Variants in DNAJC17 observed in about 807,000 individuals in gnomAD.
The protein encoded by DNAJC17 is DnaJ heat shock protein family (Hsp40) member C17.
DNAJC17 carries 35 observed loss-of-function variants against 48.1 expected under a neutral mutation model. The ratio of observed to expected loss-of-function variants is 0.73; its 90% CI spans 0.56 to 0.96. The LOEUF (loss-of-function observed/expected upper bound fraction) is 0.96, where lower values mean the gene tolerates loss of function less well. Ranked by LOEUF, DNAJC17 falls within the 50% of genes least tolerant of loss-of-function variation. DNAJC17 has a pLI of 0.00. For missense variants in DNAJC17, 355 were observed against 377.1 expected (o/e 0.94, Z 0.48); for synonymous variants, 117 against 142.7 (o/e 0.82, Z 1.28).
At chr15:40,792,564 T>A (rs894017339) in intron 1 of DNAJC17, 3 of 981,962 alleles carry the variant, frequency 3.1e-6, no homozygotes, top group Non-Finnish European at 3.6e-6. Context: ...CCTGTAATCC[T>A]GGCACTTTGG....
rs1474862203 is a variant in DNAJC17, at chr15:40,767,614, G to A, written c.*326C>T. 6.2e-5 allele frequency: 36 copies of A among 581,094 alleles called. No individual in the cohort carries two copies. In the East Asian group the frequency reaches 9.3e-4, roughly 15 times the overall value. The allele number at this position is 581,094 out of a possible 1,614,324, so 36.0% of individuals were successfully genotyped here. A position where few individuals can be genotyped will look rare whatever the true frequency, so the allele number is the denominator to read the frequency against. ...GGGCCTTGTGTAGGCCATGTTCCTC[G>A]GGCAGCTGCCCCGGGCCGGAGCTGG... On this transcript the variant is annotated 3_prime_UTR_variant, in exon 11 of 11. Transcript: ENST00000220496.
intron 1 of DNAJC17, among the ~76,000 whole-genome samples, chr15:40,789,248 C>T (rs900760458): frequency 4.6e-5 from 7 of 152,110 alleles, no homozygotes; most frequent in Non-Finnish European, 7.4e-5. Flanking sequence ...CAAATGATGG[C>T]CCTTGTACGC....
At chr15:40,797,559 C>T (rs1328986710) in intron 1 of DNAJC17, among the ~76,000 whole-genome samples, 2 of 151,074 alleles carry the variant, frequency 1.3e-5, no homozygotes, top group Non-Finnish European at 2.9e-5. Context: ...ATTACAGGCA[C>T]CCGCCACCAT....
intron 2 of DNAJC17, 149 bp downstream of exon 2, chr15:40,779,779 C>G: frequency 1.8e-6 from 2 of 1,118,770 alleles, no homozygotes; most frequent in Non-Finnish European, 2.6e-6. Flanking sequence ...CCAGACACCC[C>G]TCACAGGAGG....
Position 40,767,241 on chromosome 15 carries a change from C to A in DNAJC17, c.*699G>T, listed in dbSNP as rs367958027. 3.8e-6 allele frequency: 6 copies of A among 1,574,612 alleles called. No individual in the cohort carries two copies. The highest frequency in any genetic ancestry group is 5.2e-6 in the Non-Finnish European group (6 of 1,160,224). On this transcript the variant is annotated 3_prime_UTR_variant, in exon 11 of 11. Transcript: ENST00000220496. ...CTCTTTGCAGTTATGAATACTACGTCGATGACCCTCCCCGCATAGTCCTGG... is the reference window on the plus strand; with the variant it reads ...CTCTTTGCAGTTATGAATACTACGTAGATGACCCTCCCCGCATAGTCCTGG...
At chr15:40,775,632 G>A in intron 6 of DNAJC17, 36 bp from the exon 7 acceptor site, 3 of 1,597,640 alleles carry the variant, frequency 1.9e-6, no homozygotes, top group Non-Finnish European at 2.6e-6. Context: ...AGTAGAATAT[G>A]AGGGAGTCAG....
chr15:40,792,512 T>C, intron 1 of DNAJC17: 33 of 985,418 alleles, frequency 3.3e-5, no homozygotes, highest in Non-Finnish European at 4.0e-5. Context: ...GTAAGGCTGC[T>C]ACAGACAGAA....
At chr15:40,797,717 CTT>C (rs538219563) in intron 1 of DNAJC17, among the ~76,000 whole-genome samples, 3 of 98,986 alleles carry the variant, frequency 3.0e-5, no homozygotes, top group Non-Finnish European at 4.1e-5. Context: ...TGGCCGATCT[CTT>C]TTTTTTTTTT....
At chr15:40,779,360 C>T (rs1455942776) in intron 3 of DNAJC17, 50 bp from the exon 4 acceptor site, 1 of 1,605,022 alleles carries the variant, frequency 6.2e-7, no homozygotes, top group South Asian at 1.1e-5. Context: ...AGAGTAAAGA[C>T]AGAGCCCCGG....
chr15:40,776,405 TG>T lies in DNAJC17; in HGVS notation c.382-114del, dbSNP rs111610422. The T allele has an allele frequency of 9.5e-3, 13,932 of 1,462,272 alleles. 1,140 individuals carry two copies. The African/African-American group carries it at 0.17, about 18-fold the overall frequency. The allele number at this position is 1,462,272 out of a possible 1,614,324, so 90.6% of individuals were successfully genotyped here. A position where few individuals can be genotyped will look rare whatever the true frequency, so the allele number is the denominator to read the frequency against. ...CTGCAAGCTAGGGCTCAGCAACCTG[TG>T]GGTGGGACAAATCACCCAGCTCCCA... On this transcript the variant is annotated intron_variant, in intron 5 of 10. Transcript: ENST00000220496.
chr15:40,800,535 G>A (rs1210323111), intron 1 of DNAJC17, among the ~76,000 whole-genome samples: 2 of 150,558 alleles, frequency 1.3e-5, no homozygotes, highest in Non-Finnish European at 3.0e-5. Flanking sequence ...CTGTCACCCA[G>A]GCTGGAGCAT....
At chr15:40,785,163 G>C (rs1055168833) in intron 1 of DNAJC17, among the ~76,000 whole-genome samples, 2 of 152,068 alleles carry the variant, frequency 1.3e-5, no homozygotes, top group Admixed American at 6.6e-5. Flanking sequence ...CCCCGAAAAA[G>C]CTTCCAGTCT....
In DNAJC17 at chr15:40,767,955, C is replaced by T. The variant is rs763344798; in HGVS notation, c.900G>A (p.Glu300=). The change falls in exon 11 of 11, where the codon GAG becomes GAA. Residue 300 remains glutamate, a synonymous_variant. Transcript: ENST00000220496. Reference sequence around the variant, plus strand: ...GGAGCTGGGGCTACGTAGGCGGCCCCTCCTGGTCTTCCTGCTGCATCCGTG... The same window carrying T: ...GGAGCTGGGGCTACGTAGGCGGCCCTTCCTGGTCTTCCTGCTGCATCCGTG... ...LIARMQQEDQ[E]GPPT is the part of the protein sequence containing the mutation. 4 of 1,612,908 alleles carry T rather than the reference C, an allele frequency of 2.5e-6. No homozygotes were observed. The African/African-American group carries it at 5.3e-5, about 22-fold the overall frequency.
At chr15:40,773,946 G>C in intron 9 of DNAJC17, 109 bp from the exon 10 acceptor site, 2 of 956,198 alleles carry the variant, frequency 2.1e-6, no homozygotes, top group Non-Finnish European at 3.1e-6. Context: ...TCTAAGCAGA[G>C]ATGCCAACCT....
At chr15:40,797,505 T>C (rs1168117208) in intron 1 of DNAJC17, among the ~76,000 whole-genome samples, 3 of 150,156 alleles carry the variant, frequency 2.0e-5, no homozygotes, top group African/African-American at 4.9e-5. Flanking sequence ...CCTCCGCCTC[T>C]GGGTTCAAGC....
intron 8 of DNAJC17, 72 bp downstream of exon 8, chr15:40,774,959 A>G (rs890630211): frequency 4.6e-6 from 7 of 1,508,266 alleles, no homozygotes; most frequent in Non-Finnish European, 6.4e-6. Context: ...AGGCATTGAG[A>G]GCAGAGACCT....
chr15:40,795,398 G>GC (rs1889920528), intron 1 of DNAJC17, among the ~76,000 whole-genome samples: 1 of 152,110 alleles, frequency 6.6e-6, no homozygotes, highest in Non-Finnish European at 1.5e-5. Context: ...AGAAAAGATG[G>GC]AAACAAACAA....
At chr15:40,806,639 G>T (rs969088375) in intron 1 of DNAJC17, among the ~76,000 whole-genome samples, 7 of 152,094 alleles carry the variant, frequency 4.6e-5, no homozygotes, top group African/African-American at 1.7e-4. Flanking sequence ...TTTGATGAAC[G>T]CCTCTCCTTC....
In DNAJC17 at chr15:40,770,527, A is replaced by G; in HGVS notation, c.793-2465T>C. 6.4e-7 allele frequency: 1 copy of G among 1,550,474 alleles called. No individual in the cohort carries two copies. Among genetic ancestry groups the G allele is most frequent in the South Asian group, 1.2e-5 (1 of 84,040 alleles). ...ACCTGGCGGAAAGGCTCCTTCCGCA[A>G]CGCCTCCTTCTTCAAGCAGCTGAGC... On this transcript the variant is annotated intron_variant, in intron 10 of 10. Transcript: ENST00000220496. The surrounding 1 kb of genome is among the most constrained non-coding windows in gnomAD (Gnocchi z 5.0).
Sources: gnomAD v4.1 joint callset for allele counts (sites outside exome capture counted in the v4.1 genomes callset) on GRCh38, gnomAD v4.1.1 for gene constraint, Gnocchi (gnomAD v3.1) non-coding constraint, MANE v1.5 for transcripts, NCBI Gene and HGNC (gene_info 2026-07-23, HGNC 2026-07-21) for gene names.